TMPRSS15: variants seen among roughly 807,000 people sequenced by gnomAD.
TMPRSS15 encodes the protein enteropeptidase.
A neutral mutation model predicts 125.3 loss-of-function variants in TMPRSS15; 128 were observed. The ratio of observed to expected loss-of-function variants is 1.02; its 90% CI spans 0.89 to 1.18. TMPRSS15 has a LOEUF of 1.18. Ranked by LOEUF, TMPRSS15 falls within the 50% of genes most tolerant of loss-of-function variation. The probability of loss-of-function intolerance (pLI) is 0.00; values close to 1 mark genes in which losing one functional copy is unlikely to be tolerated. For missense variants in TMPRSS15, 1,283 were observed against 1,212.7 expected, an observed-to-expected ratio of 1.06 and a Z score of -0.86; for synonymous variants, 446 against 423.2, an observed-to-expected ratio of 1.05 and a Z score of -0.66.
intron 16 of TMPRSS15, among the ~76,000 whole-genome samples, chr21:18,316,258 T>C (rs1434847838): frequency 6.6e-6 from 1 of 152,154 alleles, no homozygotes; most frequent in Non-Finnish European, 1.5e-5. Context: ...AACTCACCTC[T>C]TCCTCGTAAT....
intron 1 of TMPRSS15, among the ~76,000 whole-genome samples, chr21:18,414,238 A>G (rs753005898): frequency 2.6e-5 from 4 of 152,114 alleles, no homozygotes; most frequent in Non-Finnish European, 5.9e-5. Context: ...ATACAATTTG[A>G]TGAGTTCAGA....
intron 3 of TMPRSS15, among the ~76,000 whole-genome samples, chr21:18,392,284 T>C (rs909112475): frequency 2.6e-5 from 4 of 152,204 alleles, no homozygotes; most frequent in African/African-American, 4.8e-5. Context: ...TTATACTCTG[T>C]CACCTGTTGA....
chr21:18,403,242 T>C (rs2076113474), intron 1 of TMPRSS15, among the ~76,000 whole-genome samples: 1 of 152,240 alleles, frequency 6.6e-6, no homozygotes. Context: ...AATTCTGCAT[T>C]AAGTTTCAAA....
intron 1 of TMPRSS15, among the ~76,000 whole-genome samples, chr21:18,412,900 G>A (rs2076169631): frequency 6.6e-6 from 1 of 152,114 alleles, no homozygotes; most frequent in Non-Finnish European, 1.5e-5. Flanking sequence ...ATAATAACAT[G>A]TTCAGTTAAA....
rs373840539 is a variant in TMPRSS15 at position 18,287,459 on chromosome 21, G to C, written c.2487-6238C>G. ...CTAAATATTAAAATATTCCTTCTTT[G>C]TGTAACAAGTGGTTATGCAAAATAA... On this transcript the variant is annotated intron_variant, in intron 21 of 24. Transcript: ENST00000284885. 5.1e-4 allele frequency among the ~76,000 whole-genome samples: 78 copies of C among 151,888 alleles called. 1 individual carries two copies. The East Asian group carries it at 0.011, about 21-fold the overall frequency.
At chr21:18,415,106 T>G (rs2076176596) in intron 1 of TMPRSS15, among the ~76,000 whole-genome samples, 1 of 152,132 alleles carries the variant, frequency 6.6e-6, no homozygotes, top group South Asian at 2.1e-4. Flanking sequence ...TCCCTGATGA[T>G]TAGACATTTT....
intron 21 of TMPRSS15, 73 bp downstream of exon 21, chr21:18,294,197 C>G: frequency 6.4e-7 from 1 of 1,571,252 alleles, no homozygotes; most frequent in Non-Finnish European, 8.7e-7. Context: ...TGTGATGCTG[C>G]ATGAAATGGG....
At chr21:18,432,792 C>T (rs1411581805) in intron 1 of TMPRSS15, among the ~76,000 whole-genome samples, 1 of 152,076 alleles carries the variant, frequency 6.6e-6, no homozygotes, top group Non-Finnish European at 1.5e-5. Context: ...GCTTGTGGCA[C>T]TTTGTTTAGG....
chr21:18,318,581 G>A (rs2146948213), intron 16 of TMPRSS15, among the ~76,000 whole-genome samples: 1 of 152,228 alleles, frequency 6.6e-6, no homozygotes, highest in Middle Eastern at 3.4e-3. Flanking sequence ...AAGAAGCTTT[G>A]AATTAGATGA....
At chr21:18,312,455 CA>C (rs2075109860) in intron 18 of TMPRSS15, among the ~76,000 whole-genome samples, 1 of 149,370 alleles carries the variant, frequency 6.7e-6, no homozygotes, top group Non-Finnish European at 1.5e-5. Flanking sequence ...AGAGGTTATG[CA>C]AAATTTTTAA....
chr21:18,462,743 A>G (rs1301603044), intron 1 of TMPRSS15, among the ~76,000 whole-genome samples: 1 of 152,044 alleles, frequency 6.6e-6, no homozygotes, highest in Admixed American at 6.6e-5. Flanking sequence ...CATCAAGAAA[A>G]TCACGCATTT....
chr21:18,455,654 C>T (rs148701822), intron 1 of TMPRSS15, among the ~76,000 whole-genome samples: 1 of 152,080 alleles, frequency 6.6e-6, no homozygotes, highest in Non-Finnish European at 1.5e-5. Flanking sequence ...GTCTACTTAC[C>T]CTTCATTCCT....
intron 1 of TMPRSS15, among the ~76,000 whole-genome samples, chr21:18,445,208 T>C (rs2076252596): frequency 1.3e-4 from 1 of 7,868 alleles, no homozygotes; most frequent in Non-Finnish European, 7.1e-4. Flanking sequence ...TATACCACAT[T>C]TTTTTTTTTT....
At chr21:18,453,746 A>G (rs1318825934) in intron 1 of TMPRSS15, among the ~76,000 whole-genome samples, 1 of 152,254 alleles carries the variant, frequency 6.6e-6, no homozygotes, top group Non-Finnish European at 1.5e-5. Flanking sequence ...ATATGGAAAC[A>G]ATCCAAGGGT....
chr21:18,424,152 C>G (rs913940609), intron 1 of TMPRSS15, among the ~76,000 whole-genome samples: 2 of 152,120 alleles, frequency 1.3e-5, no homozygotes, highest in African/African-American at 4.8e-5. Flanking sequence ...TCAGTAGATT[C>G]ATAGTGTTAT....
intron 13 of TMPRSS15, among the ~76,000 whole-genome samples, chr21:18,336,273 T>C (rs1172607528): frequency 6.6e-6 from 1 of 152,160 alleles, no homozygotes; most frequent in Non-Finnish European, 1.5e-5. Flanking sequence ...GATTTTTGAT[T>C]GATACTTTAT....
intron 22 of TMPRSS15, among the ~76,000 whole-genome samples, chr21:18,280,719 C>T (rs2074688026): frequency 6.6e-6 from 1 of 152,102 alleles, no homozygotes; most frequent in Admixed American, 6.5e-5. Context: ...GATGAACCTA[C>T]CTTTCTTTTA....
chr21:18,423,584 ATTT>A (rs1050685511), intron 1 of TMPRSS15, among the ~76,000 whole-genome samples: 1 of 133,364 alleles, frequency 7.5e-6, no homozygotes, highest in East Asian at 2.2e-4. Flanking sequence ...AATTTTTTGT[ATTT>A]TTTTTTTTTT....
At chr21:18,272,660 G>A (rs1215693965) in intron 24 of TMPRSS15, among the ~76,000 whole-genome samples, 1 of 152,102 alleles carries the variant, frequency 6.6e-6, no homozygotes. Context: ...GGCAGGTGGA[G>A]GTTGCAGTGA....
Sources: allele counts gnomAD v4.1 joint callset (sites outside exome capture counted in the v4.1 genomes callset), GRCh38; gene constraint gnomAD v4.1.1; transcripts MANE v1.5; gene names NCBI Gene and HGNC (gene_info 2026-07-23, HGNC 2026-07-21).